The following TEX11 variants were observed in gnomAD, a reference collection of about 807,000 sequenced individuals.
The protein encoded by TEX11 is testis-expressed protein 11.
In TEX11, 7 loss-of-function variants were observed where a neutral mutation model predicts 84.4. The ratio of observed to expected loss-of-function variants is 0.08; its 90% confidence interval spans 0.05 to 0.16. The LOEUF (loss-of-function observed/expected upper bound fraction) is 0.16, where lower values mean the gene tolerates loss of function less well. Ranked by LOEUF, TEX11 falls within the 10% of genes least tolerant of loss-of-function variation. TEX11 has a pLI of 1.00. For synonymous variants in TEX11, 264 were observed against 222.8 expected, an observed-to-expected ratio of 1.18 and a Z score of -1.64; for missense variants, 551 against 660.5, an observed-to-expected ratio of 0.83 and a Z score of 1.82.
chrX:70,894,303 T>G (rs1350589632), intron 2 of TEX11, among the ~76,000 whole-genome samples: 1 of 110,807 alleles, frequency 9.0e-6, no homozygotes, highest in African/African-American at 3.3e-5. Flanking sequence ...ATATCACTGA[T>G]GAACACTGAT....
chrX:70,822,816 C>A lies in TEX11; in HGVS notation c.606+10697G>T, dbSNP rs1408536606. ...AAATCACATGGCTAGAGAGTGGAAGCAAGACAGAGAGCAGAGGGAGATGAC... is the reference window on the plus strand; with the variant it reads ...AAATCACATGGCTAGAGAGTGGAAGAAAGACAGAGAGCAGAGGGAGATGAC... On this transcript the variant is annotated intron_variant, in intron 8 of 29. Coordinates refer to ENST00000374333, the MANE Select transcript of TEX11 (RefSeq NM_031276.3). Among the ~76,000 whole-genome samples, 34 of 111,075 alleles carry A rather than the reference C, an allele frequency of 3.1e-4. 1 individual carries two copies. The Admixed American group carries it at 3.3e-3, about 11-fold the overall frequency.
At chrX:70,810,229 G>A in intron 8 of TEX11, among the ~76,000 whole-genome samples, 1 of 112,198 alleles carries the variant, frequency 8.9e-6, no homozygotes, top group South Asian at 3.7e-4. Context: ...GTGGAAGACA[G>A]TGTGGTGATT....
intron 17 of TEX11, among the ~76,000 whole-genome samples, chrX:70,645,151 A>G (rs1374381816): frequency 9.1e-6 from 1 of 110,426 alleles, no homozygotes; most frequent in Non-Finnish European, 1.9e-5. Context: ...AATAACAAAA[A>G]ATCTTCCATC....
the TEX11 span, among the ~76,000 whole-genome samples, chrX:70,523,023 A>C: frequency 1.8e-5 from 2 of 111,100 alleles, no homozygotes; most frequent in Non-Finnish European, 1.9e-5. Flanking sequence ...TGCATCAAAA[A>C]ACAAATCAAG....
chrX:70,764,571 CA>C (rs1215045964), intron 9 of TEX11, among the ~76,000 whole-genome samples: 3 of 111,072 alleles, frequency 2.7e-5, no homozygotes, highest in African/African-American at 3.3e-5. Context: ...ACAAAATTGA[CA>C]AAACTTTAGC....
intron 2 of TEX11, among the ~76,000 whole-genome samples, chrX:70,905,170 A>C (rs2091822846): frequency 8.9e-6 from 1 of 111,734 alleles, no homozygotes; most frequent in African/African-American, 3.2e-5. Context: ...TAAACTACAA[A>C]AAATTAGCCA....
chrX:70,622,640 T>C (rs1332093653), intron 20 of TEX11, among the ~76,000 whole-genome samples: 1 of 112,058 alleles, frequency 8.9e-6, no homozygotes, highest in African/African-American at 3.2e-5. Context: ...CTAGTAGTTA[T>C]CATGGTTTAG....
At chrX:70,730,169 G>A (rs2090634629) in intron 11 of TEX11, among the ~76,000 whole-genome samples, 1 of 111,775 alleles carries the variant, frequency 8.9e-6, no homozygotes, top group East Asian at 2.8e-4. Context: ...CACTAAACAT[G>A]GAAAGGAACA....
At chrX:70,569,175 C>G (rs1461441974) in intron 25 of TEX11, among the ~76,000 whole-genome samples, 25 of 112,118 alleles carry the variant, frequency 2.2e-4, no homozygotes, top group Non-Finnish European at 1.9e-5. Flanking sequence ...ATCACTGACA[C>G]CCTTTCTTCC....
At chrX:70,579,294 C>G (rs2088729893) in intron 25 of TEX11, among the ~76,000 whole-genome samples, 1 of 104,217 alleles carries the variant, frequency 9.6e-6, no homozygotes, top group African/African-American at 3.5e-5. Context: ...CGAGACCATC[C>G]TGGCTAACAC....
chrX:70,860,258 T>C (rs149904268), intron 5 of TEX11, among the ~76,000 whole-genome samples: 1,899 of 111,882 alleles, frequency 0.017, 38 homozygotes, highest in African/African-American at 0.058. Flanking sequence ...TTTATCAGAC[T>C]GTTGTCATAG....
intron 18 of TEX11, among the ~76,000 whole-genome samples, chrX:70,625,209 C>T (rs778331188): frequency 5.4e-4 from 60 of 110,791 alleles, no homozygotes; most frequent in Non-Finnish European, 1.1e-3. Context: ...CTCTTTATCC[C>T]CCACTTATTA....
chrX:70,574,481 C>T (rs891835597), intron 25 of TEX11, among the ~76,000 whole-genome samples: 5 of 111,536 alleles, frequency 4.5e-5, no homozygotes, highest in Non-Finnish European at 9.4e-5. Context: ...CCAGAGTATA[C>T]GCTGATAATG....
chrX:70,665,981 G>A (rs1433324930), intron 16 of TEX11, among the ~76,000 whole-genome samples: 1 of 111,747 alleles, frequency 8.9e-6, no homozygotes, highest in Non-Finnish European at 1.9e-5. Context: ...ATCAGAAGAA[G>A]TTGATTGACA....
intron 15 of TEX11, among the ~76,000 whole-genome samples, chrX:70,671,081 T>C (rs1249862295): frequency 8.9e-6 from 1 of 112,022 alleles, no homozygotes; most frequent in African/African-American, 3.2e-5. Context: ...ATTTTCTTAA[T>C]GTTAGCTATT....
At chrX:70,761,183 A>C (rs1030019388) in intron 9 of TEX11, among the ~76,000 whole-genome samples, 63 of 111,967 alleles carry the variant, frequency 5.6e-4, no homozygotes, top group African/African-American at 2.0e-3. Flanking sequence ...TAGTTCAACC[A>C]TTGTGGAAGA....
chrX:70,633,310 A>G (rs1206047886), intron 17 of TEX11, among the ~76,000 whole-genome samples: 1 of 111,808 alleles, frequency 8.9e-6, no homozygotes, highest in Non-Finnish European at 1.9e-5. Flanking sequence ...AAAATTGACC[A>G]TTTCAACAGA....
chrX:70,623,763 T>G (rs45462494), intron 20 of TEX11, among the ~76,000 whole-genome samples, 187 bp downstream of exon 20: 378 of 100,952 alleles, frequency 3.7e-3, no homozygotes, highest in Non-Finnish European at 6.2e-3. Flanking sequence ...CCAGAGACAT[T>G]AAGAAACTTG....
In TEX11 at chrX:70,609,112, C is replaced by G; in HGVS notation, c.1858G>C (p.Ala620Pro). The G allele has an allele frequency of 8.3e-7, 1 of 1,205,194 alleles. No individual in the cohort carries two copies. Among genetic ancestry groups the G allele is most frequent in the Non-Finnish European group, 1.1e-6 (1 of 892,388 alleles). ...TTACCTGTTTTTCGAAACCACTGAGCTTCATTAGCTCTTGACTCCAAACTT... is the reference window on the plus strand; with the variant it reads ...TTACCTGTTTTTCGAAACCACTGAGGTTCATTAGCTCTTGACTCCAAACTT... ...ALSLESRANEAQWFRKTAWNL... is the reference protein window; with the variant it reads ...ALSLESRANEPQWFRKTAWNL... Residue 620 changes from alanine to proline, a missense_variant, in exon 22 of 30, where the codon GCT (alanine) becomes CCT (proline). Transcript: ENST00000374333.
Sources: allele counts gnomAD v4.1 joint callset (sites outside exome capture counted in the v4.1 genomes callset), GRCh38; gene constraint gnomAD v4.1.1; transcripts MANE v1.5; gene names NCBI Gene and HGNC (gene_info 2026-07-23, HGNC 2026-07-21).